Variants in PRAME observed in about 807,000 individuals in gnomAD.
PRAME encodes the protein melanoma antigen preferentially expressed in tumors.
PRAME carries 21 observed loss-of-function variants against 32.1 expected under a neutral mutation model. The ratio of observed to expected loss-of-function variants is 0.65; its 90% CI spans 0.46 to 0.94. The LOEUF (loss-of-function observed/expected upper bound fraction) is 0.94, where lower values mean the gene tolerates loss of function less well. PRAME is among the 40% of genes least tolerant of loss of function. The pLI is 0.00. For synonymous variants in PRAME, 274 were observed against 251.5 expected (o/e 1.09, Z -0.85); for missense variants, 651 against 622.3 (o/e 1.05, Z -0.49).
intron 3 of PRAME, among the ~76,000 whole-genome samples, chr22:22,551,347 CTACTCTATT>C (rs2062554843): frequency 6.6e-6 from 1 of 151,898 alleles, no homozygotes; most frequent in Non-Finnish European, 1.5e-5. Flanking sequence ...TATCTACCCA[CTACTCTATT>C]TAATTCTAGT....
At chr22:22,554,784 G>A (rs2062806386) in intron 3 of PRAME, among the ~76,000 whole-genome samples, 1 of 151,950 alleles carries the variant, frequency 6.6e-6, no homozygotes, top group African/African-American at 2.4e-5. Flanking sequence ...AGAAAGGGCT[G>A]ATAAGCTTCA....
At chr22:22,558,689 G>A (rs1271255468) in intron 1 of PRAME, among the ~76,000 whole-genome samples, 2 of 150,174 alleles carry the variant, frequency 1.3e-5, no homozygotes, top group Non-Finnish European at 3.0e-5. Flanking sequence ...GTGGGGAGGC[G>A]GGGGGCTGAC....
At chr22:22,554,358 T>G in intron 3 of PRAME, 1 of 666,930 alleles carries the variant, frequency 1.5e-6, no homozygotes, top group Non-Finnish European at 1.9e-6. Flanking sequence ...AAGGATGTTT[T>G]CCATTTTGGT....
At chr22:22,553,994 C>G in intron 3 of PRAME, 1 of 985,174 alleles carries the variant, frequency 1.0e-6, no homozygotes, top group Non-Finnish European at 1.2e-6. Context: ...CTAAGCTGCT[C>G]AGGTACAGAG....
intron 3 of PRAME, among the ~76,000 whole-genome samples, chr22:22,551,715 C>T (rs188682936): frequency 9.2e-5 from 14 of 151,908 alleles, no homozygotes; most frequent in Admixed American, 7.2e-4. Flanking sequence ...ACATGGAAAT[C>T]AGCGGAGCAA....
At chr22:22,557,711 G>A (rs937118053) in intron 1 of PRAME, 131 bp from the exon 2 acceptor site, 1 of 132,874 alleles carries the variant, frequency 7.5e-6, no homozygotes, top group Non-Finnish European at 1.6e-5. Context: ...GTCCTTCCAG[G>A]GCAAAATCTC....
chr22:22,553,426 A>C (rs1030469024), intron 3 of PRAME, among the ~76,000 whole-genome samples: 2 of 151,952 alleles, frequency 1.3e-5, no homozygotes, highest in Non-Finnish European at 2.9e-5. Flanking sequence ...GTGGATTACC[A>C]CAAAGACAGA....
rs914361021 is a variant in PRAME at position 22,550,284 on chromosome 22, A to C, written c.395T>G (p.Phe132Cys). ...CCTGTTTCCAGACCATACAGTCCAG[A>C]AGTCCTGATGAGAGTTCTTCCGTAA... is the stretch of plus-strand genomic sequence containing the variant. ...LDLRKNSHQD[F>C]WTVWSGNRAS... Residue 132 changes from phenylalanine to cysteine, a missense_variant, in exon 5 of 6, where the codon TTC becomes TGC. Transcript: ENST00000405655. 1.9e-6 allele frequency: 3 copies of C among 1,613,594 alleles called. No homozygotes were observed. Among genetic ancestry groups the C allele is most frequent in the Admixed American group, 1.7e-5 (1 of 59,934 alleles).
intron 2 of PRAME, 124 bp from the exon 3 acceptor site, chr22:22,557,033 C>T (rs1455806665): frequency 1.1e-5 from 7 of 646,110 alleles, no homozygotes; most frequent in South Asian, 7.3e-5. Context: ...GACTCAATCC[C>T]GCCCTTTCAG....
chr22:22,548,196 G>C lies in PRAME; in HGVS notation c.1401C>G (p.Leu467=). The C allele has an allele frequency of 6.2e-7, 1 of 1,613,828 alleles. No individual in the cohort carries two copies. Among genetic ancestry groups the C allele is most frequent in the Non-Finnish European group, 8.5e-7 (1 of 1,179,960 alleles). Residue 467 remains leucine (L), a synonymous_variant, in exon 6 of 6, where the codon CTC becomes CTG. Coordinates refer to ENST00000405655, the MANE Select transcript of PRAME (RefSeq NM_206956.3). ...LERLAYLHAR[L]RELLCELGRP... ...GCCCCAACTCACACAGCAACTCCCT[G>C]AGCCTGGCATGCAGATAGGCAAGCC...
chr22:22,548,486 C>A lies in PRAME; in HGVS notation c.1111G>T (p.Ala371Ser). Residue 371 changes from alanine to serine, a missense_variant, in exon 6 of 6, where the codon GCT becomes TCT. By Grantham distance (99) the Ala-to-Ser change is moderately conservative (BLOSUM62 1). Coordinates refer to ENST00000405655, the MANE Select transcript of PRAME (RefSeq NM_206956.3). ...GTGGCAGAGGCTCTCTCCAGCAGAG[C>A]TTGGAGGGGCTCGGGACTTACATCG... is the stretch of plus-strand genomic sequence containing the variant. ...LTDVSPEPLQ[A>S]LLERASATLQ... 1.2e-6 allele frequency: 2 copies of A among 1,613,762 alleles called. No individual in the cohort carries two copies. The highest frequency in any genetic ancestry group is 2.2e-5 in the East Asian group (1 of 44,784).
chr22:22,558,951 C>T lies in PRAME; in HGVS notation c.-114+20G>A, dbSNP rs550180309. 2 of 154,036 alleles carry T rather than the reference C, an allele frequency of 1.3e-5. No homozygotes were observed. The highest frequency in any genetic ancestry group is 4.8e-5 in the African/African-American group (2 of 41,314). The allele number at this position is 154,036 out of a possible 1,614,324, so 9.5% of individuals were successfully genotyped here. A position where few individuals can be genotyped will look rare whatever the true frequency, so the allele number is the denominator to read the frequency against. Reference sequence around the variant, plus strand: ...CCCCCCGGGCTGAAGAGACCACCCCCCGGGATTCAATTAACTTACTCTCTG... The same window carrying T: ...CCCCCCGGGCTGAAGAGACCACCCCTCGGGATTCAATTAACTTACTCTCTG... On this transcript the variant is annotated intron_variant, in intron 1 of 5. Coordinates refer to ENST00000405655, the MANE Select transcript of PRAME (RefSeq NM_206956.3).
intron 3 of PRAME, among the ~76,000 whole-genome samples, chr22:22,552,035 C>T (rs2062608828): frequency 6.7e-6 from 1 of 149,452 alleles, no homozygotes; most frequent in African/African-American, 2.5e-5. Flanking sequence ...GTAATCCCAG[C>T]ATTTTGGGAG....
At position 22,552,674 on chromosome 22, in the gene PRAME, C is replaced by T. The variant is rs529080337; in HGVS notation, c.22-1585G>A. On this transcript the variant is annotated intron_variant, in intron 3 of 5. Coordinates refer to ENST00000405655, the MANE Select transcript of PRAME (RefSeq NM_206956.3). The stretch of plus-strand genomic sequence containing the variant: ...ATTAAGGCAAAACTACATTTAGAGA[C>T]AAGAACAAAGCCTGTTCCTTTGTAA... 8 of 284,540 alleles carry T rather than the reference C, an allele frequency of 2.8e-5. No homozygotes were observed. In the East Asian group the frequency reaches 7.0e-4, roughly 25 times the overall value. 17.6% of individuals were successfully genotyped at this position (284,540 alleles called of 1,614,324 possible).
In PRAME at chr22:22,548,457, G is replaced by A; in HGVS notation, c.1140C>T (p.Leu380=). 1 of 1,613,742 alleles carries A rather than the reference G, an allele frequency of 6.2e-7. No individual in the cohort carries two copies. Among genetic ancestry groups the A allele is most frequent in the Non-Finnish European group, 8.5e-7 (1 of 1,179,946 alleles). ...CACACTCATCAAAGACCAGGTCCTG[G>A]AGGGTGGCAGAGGCTCTCTCCAGCA... ...QALLERASAT[L]QDLVFDECGI... The change falls in exon 6 of 6, where the codon CTC becomes CTT. Residue 380 remains leucine, a synonymous_variant. Coordinates refer to ENST00000405655, the MANE Select transcript of PRAME (RefSeq NM_206956.3).
Position 22,559,174 on chromosome 22 carries a change from C to A in PRAME, c.-317G>T. 2 of 280,016 alleles carry A rather than the reference C, an allele frequency of 7.1e-6. No individual in the cohort carries two copies. Among genetic ancestry groups the A allele is most frequent in the Non-Finnish European group, 1.4e-5 (2 of 144,834 alleles). The allele number at this position is 280,016 out of a possible 1,614,324, so 17.3% of individuals were successfully genotyped here. ...CTGCTCCTTTTGTCGCCAATACAGA[C>A]CTGTTGACAGGTCACGCCTGGGAAG... On this transcript the variant is annotated 5_prime_UTR_variant, in exon 1 of 6. Transcript: ENST00000405655.
At chr22:22,558,729 C>A (rs1466967017) in intron 1 of PRAME, among the ~76,000 whole-genome samples, 2 of 151,202 alleles carry the variant, frequency 1.3e-5, no homozygotes, top group Non-Finnish European at 2.9e-5. Flanking sequence ...GTTCTGGGAT[C>A]ACGGAGACGT....
chr22:22,552,782 G>A lies in PRAME; in HGVS notation c.22-1693C>T, dbSNP rs749441659. 156 of 469,142 alleles carry A rather than the reference G, an allele frequency of 3.3e-4. 2 individuals are homozygous for A. The highest frequency in any genetic ancestry group is 2.9e-3 in the Middle Eastern group (9 of 3,076). The allele number at this position is 469,142 out of a possible 1,614,324, so 29.1% of individuals were successfully genotyped here. On this transcript the variant is annotated intron_variant, in intron 3 of 5. Coordinates refer to ENST00000405655, the MANE Select transcript of PRAME (RefSeq NM_206956.3). Reference sequence around the variant, plus strand: ...TGAGGTGACAGTAGAAGGAGGCAGTGGCCATAGCCTGAGGCTCCCGACTCA... The same window carrying A: ...TGAGGTGACAGTAGAAGGAGGCAGTAGCCATAGCCTGAGGCTCCCGACTCA...
rs2062378799 is a variant in PRAME, at chr22:22,548,644, C to T, written c.954-1G>A. On this transcript the variant is annotated splice_acceptor_variant, in intron 5 of 5. Transcript: ENST00000405655. LOFTEE classifies it high-confidence loss of function. ...GGTTTCCAAGGGGTTCATCACGTGC[C>T]TGCAAATAGACAAAGCAGTTAGTGC... 6.3e-7 allele frequency: 1 copy of T among 1,587,254 alleles called. No individual in the cohort carries two copies. The highest frequency in any genetic ancestry group is 8.5e-7 in the Non-Finnish European group (1 of 1,170,636).
Sources: allele counts gnomAD v4.1 joint callset (sites outside exome capture counted in the v4.1 genomes callset), GRCh38; gene constraint gnomAD v4.1.1; transcripts MANE v1.5; gene names NCBI Gene and HGNC (gene_info 2026-07-23, HGNC 2026-07-21).